Variants in NAA11 observed in about 807,000 individuals in gnomAD.
NAA11 encodes N-alpha-acetyltransferase 11, NatA catalytic subunit.
NAA11 carries 15 observed loss-of-function variants against 16.1 expected under a neutral mutation model. That is an observed-to-expected ratio of 0.93 (90% confidence interval 0.62 to 1.44). NAA11 has a LOEUF of 1.44. Among genes scored for constraint, NAA11 ranks in the 40% most tolerant of loss-of-function variants. The pLI, the probability that NAA11 is intolerant of heterozygous loss-of-function variation, is 0.00. For missense variants in NAA11, 298 were observed against 291.3 expected (o/e 1.02, Z -0.17); for synonymous variants, 122 against 112.4 (o/e 1.09, Z -0.54).
At chr4:79,292,065 A>T (rs1241683357) in intron 2 of NAA11, among the ~76,000 whole-genome samples, 1 of 152,186 alleles carries the variant, frequency 6.6e-6, no homozygotes, top group African/African-American at 2.4e-5. Flanking sequence ...TAAATTTCAG[A>T]GCATCTAAAT....
At chr4:79,256,651 A>ATATATAAAT (rs1722113513) in intron 2 of NAA11, among the ~76,000 whole-genome samples, 14 of 130,744 alleles carry the variant, frequency 1.1e-4, no homozygotes, top group African/African-American at 4.0e-4. Context: ...TATAAATATA[A>ATATATAAAT]ATATATATAT....
the NAA11 span, among the ~76,000 whole-genome samples, chr4:79,199,051 T>G: frequency 6.6e-6 from 1 of 151,894 alleles, no homozygotes. Context: ...CATGGTTGGA[T>G]TTAGATACCA....
chr4:79,318,323 A>G (rs1723988562), intron 1 of NAA11, among the ~76,000 whole-genome samples: 1 of 152,204 alleles, frequency 6.6e-6, no homozygotes, highest in African/African-American at 2.4e-5. Context: ...TTCTTTATTC[A>G]CAAATTAAAG....
chr4:79,157,130 G>A, the NAA11 span, among the ~76,000 whole-genome samples: 2 of 151,726 alleles, frequency 1.3e-5, no homozygotes, highest in Non-Finnish European at 2.9e-5. Flanking sequence ...ATAGGTTTTT[G>A]GGGAACAGTT....
chr4:79,275,869 C>T (rs1722636284), intron 2 of NAA11, among the ~76,000 whole-genome samples: 1 of 152,120 alleles, frequency 6.6e-6, no homozygotes, highest in South Asian at 2.1e-4. Context: ...GCCAGTGAGT[C>T]TGGCGTGTTG....
chr4:79,268,183 T>C (rs114385619), intron 2 of NAA11, among the ~76,000 whole-genome samples: 1,770 of 152,286 alleles, frequency 0.012, 43 homozygotes, highest in African/African-American at 0.041. Flanking sequence ...GAATCTGTAA[T>C]TATTTCAAAA....
chr4:79,176,410 T>A, the NAA11 span, among the ~76,000 whole-genome samples: 22 of 152,110 alleles, frequency 1.4e-4, no homozygotes, highest in African/African-American at 5.3e-4. Context: ...TTGTGGAGGC[T>A]TGGTGAATCC....
chr4:79,324,809 G>C (rs1337031474), intron 1 of NAA11, among the ~76,000 whole-genome samples: 3 of 152,236 alleles, frequency 2.0e-5, no homozygotes, highest in Middle Eastern at 3.4e-3. Flanking sequence ...ATTTCATCAA[G>C]AGTTGGAAAA....
At chr4:79,188,132 T>C in the NAA11 span, among the ~76,000 whole-genome samples, 1 of 152,040 alleles carries the variant, frequency 6.6e-6, no homozygotes, top group Non-Finnish European at 1.5e-5. Flanking sequence ...TTTTTGAATG[T>C]TTTTTCCTCT....
chr4:79,317,938 C>A (rs13106792), intron 1 of NAA11, 147 bp from the exon 2 acceptor site: 98,955 of 152,018 alleles, frequency 0.65, 32,481 homozygotes, highest in East Asian at 0.85. Flanking sequence ...ATCTCCATGG[C>A]AGTCAGTGAG....
At chr4:79,285,068 C>G (rs1174925420) in intron 2 of NAA11, among the ~76,000 whole-genome samples, 1 of 152,028 alleles carries the variant, frequency 6.6e-6, no homozygotes, top group Non-Finnish European at 1.5e-5. Context: ...CAGCATTGGA[C>G]AGAACCAGTA....
chr4:79,203,094 A>G, the NAA11 span, among the ~76,000 whole-genome samples: 19 of 151,542 alleles, frequency 1.3e-4, no homozygotes, highest in Non-Finnish European at 2.7e-4. Flanking sequence ...CTAATGATGT[A>G]AGTGTTTTCA....
At chr4:79,318,584 T>C (rs1402805338) in intron 1 of NAA11, among the ~76,000 whole-genome samples, 2 of 152,168 alleles carry the variant, frequency 1.3e-5, no homozygotes, top group Non-Finnish European at 2.9e-5. Context: ...ATCATTGTTA[T>C]AGAAAATTCT....
the NAA11 span, among the ~76,000 whole-genome samples, chr4:79,184,920 AAAC>A: frequency 6.6e-6 from 1 of 152,186 alleles, no homozygotes; most frequent in Non-Finnish European, 1.5e-5. Flanking sequence ...TTGTAGATGA[AAAC>A]AATTATTTTA....
the NAA11 span, among the ~76,000 whole-genome samples, chr4:79,212,189 A>C: frequency 0.12 from 18,098 of 152,188 alleles, 1,307 homozygotes; most frequent in African/African-American, 0.19. Context: ...CTAATTTCAC[A>C]CTTTCCTGAT....
chr4:79,174,842 T>C, the NAA11 span, among the ~76,000 whole-genome samples: 3 of 152,156 alleles, frequency 2.0e-5, no homozygotes, highest in Non-Finnish European at 4.4e-5. Flanking sequence ...AATAGACCTC[T>C]TATCCGAATG....
chr4:79,290,325 T>C (rs995726285), intron 2 of NAA11, among the ~76,000 whole-genome samples: 8 of 152,098 alleles, frequency 5.3e-5, no homozygotes, highest in Non-Finnish European at 1.0e-4. Flanking sequence ...AGGAAAATGG[T>C]GTGCTCTATC....
At chr4:79,246,014 A>G (rs1301620135) in intron 2 of NAA11, among the ~76,000 whole-genome samples, 1 of 152,222 alleles carries the variant, frequency 6.6e-6, no homozygotes, top group Non-Finnish European at 1.5e-5. Context: ...AGGAGACTCC[A>G]TTTTGTTCTG....
At chr4:79,311,264 G>C (rs749050327) in intron 1 of NAA11, among the ~76,000 whole-genome samples, 5 of 151,790 alleles carry the variant, frequency 3.3e-5, no homozygotes, top group Non-Finnish European at 7.4e-5. Context: ...CATTATTCAG[G>C]GTACCCAATT....
Sources: allele counts gnomAD v4.1 joint callset (sites outside exome capture counted in the v4.1 genomes callset), GRCh38; gene constraint gnomAD v4.1.1; transcripts MANE v1.5; gene names NCBI Gene and HGNC (gene_info 2026-07-23, HGNC 2026-07-21).